Variants in SEMA3A observed in about 807,000 individuals in gnomAD.
SEMA3A encodes semaphorin 3A, also known as semaphorin-3A.
A neutral mutation model predicts 97.9 loss-of-function variants in SEMA3A; 29 were observed. The observed-to-expected ratio is 0.30, with a 90% CI of 0.22 to 0.40. The LOEUF (loss-of-function observed/expected upper bound fraction) is 0.40, where lower values mean the gene tolerates loss of function less well. Among genes scored for constraint, SEMA3A ranks in the 10% least tolerant of loss-of-function variants. The probability of loss-of-function intolerance (pLI) is 1.00; values close to 1 mark genes in which losing one functional copy is unlikely to be tolerated. For missense variants in SEMA3A, 763 were observed against 951.3 expected (o/e 0.80, Z 2.60); for synonymous variants, 321 against 323.7 (o/e 0.99, Z 0.09).
intron 14 of SEMA3A, among the ~76,000 whole-genome samples, chr7:83,980,477 C>T (rs797819): frequency 0.29 from 42,901 of 149,918 alleles, 7,019 homozygotes; most frequent in East Asian, 0.63. Flanking sequence ...TGGTGGTGCA[C>T]GCCTGTAGTC....
chr7:84,204,941 C>A (rs949127718), intron 3 of SEMA3A, among the ~76,000 whole-genome samples: 1 of 152,182 alleles, frequency 6.6e-6, no homozygotes, highest in Non-Finnish European at 1.5e-5. Flanking sequence ...GATCCTCCAT[C>A]TTTTGTGGCT....
Position 84,430,162 on chromosome 7 carries a change from T to C in SEMA3A, c.-245-58262A>G, listed in dbSNP as rs559111467. On this transcript the variant is annotated intron_variant, in intron 1 of 3. Coordinates refer to the SEMA3A transcript ENST00000424555. ...ATATAGCACAATTTTCTTTCATTTG[T>C]CTTCCATTTTTTAATAATAATATTC... is the stretch of plus-strand genomic sequence containing the variant. Among the ~76,000 whole-genome samples, 173 of 152,146 alleles carry C rather than the reference T, an allele frequency of 1.1e-3. 1 individual carries two copies. Among genetic ancestry groups the C allele is most frequent in the African/African-American group, 4.0e-3 (165 of 41,556 alleles).
chr7:84,285,821 C>T (rs944395993), intron 3 of SEMA3A, among the ~76,000 whole-genome samples: 8 of 151,780 alleles, frequency 5.3e-5, no homozygotes. Flanking sequence ...GGACCTGTAA[C>T]CCAGCTACTG....
chr7:84,325,591 A>G (rs1584240961), intron 2 of SEMA3A, among the ~76,000 whole-genome samples: 1 of 152,120 alleles, frequency 6.6e-6, no homozygotes, highest in Non-Finnish European at 1.5e-5. Context: ...GCGATATATG[A>G]GGGAGTATAA....
intron 1 of SEMA3A, among the ~76,000 whole-genome samples, chr7:84,477,432 C>CT (rs1475111769): frequency 2.0e-5 from 2 of 101,928 alleles, no homozygotes; most frequent in African/African-American, 8.5e-5. Flanking sequence ...GAGCGAGACT[C>CT]TGTCTCAAAA....
At chr7:84,422,933 A>G (rs922320557) in intron 1 of SEMA3A, among the ~76,000 whole-genome samples, 1 of 152,012 alleles carries the variant, frequency 6.6e-6, no homozygotes, top group Non-Finnish European at 1.5e-5. Flanking sequence ...TCCCCAGTCT[A>G]TCCTTTTAAC....
At chr7:84,123,841 G>A (rs538228522) in intron 3 of SEMA3A, among the ~76,000 whole-genome samples, 12 of 151,058 alleles carry the variant, frequency 7.9e-5, no homozygotes, top group Non-Finnish European at 1.3e-4. Flanking sequence ...GAGAGAGAGA[G>A]CAAGAGAGTA....
intron 4 of SEMA3A, among the ~76,000 whole-genome samples, chr7:84,104,395 C>T (rs1795045391): frequency 6.6e-6 from 1 of 152,084 alleles, no homozygotes; most frequent in Non-Finnish European, 1.5e-5. Flanking sequence ...AATGCTAACA[C>T]TTCTATTTCT....
At chr7:84,359,485 A>T (rs1344586741) in intron 2 of SEMA3A, among the ~76,000 whole-genome samples, 2 of 152,076 alleles carry the variant, frequency 1.3e-5, no homozygotes, top group Non-Finnish European at 2.9e-5. Context: ...CCCAGGGATG[A>T]AGCCCACTTG....
intron 4 of SEMA3A, among the ~76,000 whole-genome samples, chr7:84,063,396 G>C (rs1177700947): frequency 6.6e-6 from 1 of 151,224 alleles, no homozygotes; most frequent in Non-Finnish European, 1.5e-5. Flanking sequence ...TTCCTCACCA[G>C]CAACGGAACA....
intron 4 of SEMA3A, among the ~76,000 whole-genome samples, chr7:84,101,810 T>A (rs553185962): frequency 6.6e-6 from 1 of 152,234 alleles, no homozygotes; most frequent in East Asian, 1.9e-4. Flanking sequence ...ACTAGTCAAA[T>A]GAAACTATTG....
Position 84,134,923 on chromosome 7 carries a change from A to G in SEMA3A, c.141T>C (p.Thr47=). 1 of 1,613,660 alleles carries G rather than the reference A, an allele frequency of 6.2e-7. No individual in the cohort carries two copies. The highest frequency in any genetic ancestry group is 8.5e-7 in the Non-Finnish European group (1 of 1,179,868). The change falls in exon 2 of 17, where the codon ACT becomes ACC. Residue 47 remains threonine, a synonymous_variant. Transcript: ENST00000265362. ...TGGAGCTGTTGGCCAAGCCATTGAA[A>G]GTGATCACATTGTTGGATTCCAACA... ...KEMLESNNVI[T]FNGLANSSSY...
chr7:84,064,972 T>C (rs1409274612), intron 4 of SEMA3A, among the ~76,000 whole-genome samples: 7 of 152,262 alleles, frequency 4.6e-5, no homozygotes, highest in Admixed American at 3.9e-4. Flanking sequence ...TATACATTTT[T>C]TCGGCACCAC....
chr7:83,993,055 C>T (rs919800796), intron 12 of SEMA3A, among the ~76,000 whole-genome samples: 4 of 139,148 alleles, frequency 2.9e-5, no homozygotes, highest in Non-Finnish European at 4.6e-5. Context: ...TGAATTGATC[C>T]CTTTACCATT....
chr7:84,389,578 A>T (rs963420086), intron 1 of SEMA3A, among the ~76,000 whole-genome samples: 2 of 152,076 alleles, frequency 1.3e-5, no homozygotes, highest in African/African-American at 2.4e-5. Flanking sequence ...TGTCAAATTT[A>T]AAAAACCTGT....
chr7:84,149,901 T>C (rs1480803417), intron 1 of SEMA3A, among the ~76,000 whole-genome samples: 2 of 152,216 alleles, frequency 1.3e-5, no homozygotes, highest in East Asian at 1.9e-4. Flanking sequence ...TGCTATTAAA[T>C]TTTAATAAAC....
At chr7:84,048,865 T>C (rs1252111263) in intron 5 of SEMA3A, among the ~76,000 whole-genome samples, 1 of 151,992 alleles carries the variant, frequency 6.6e-6, no homozygotes, top group East Asian at 1.9e-4. Context: ...TTAAAGTCTA[T>C]TCAAGAGGCA....
intron 1 of SEMA3A, among the ~76,000 whole-genome samples, chr7:84,450,947 T>A (rs1291083763): frequency 6.6e-6 from 1 of 152,134 alleles, no homozygotes; most frequent in Admixed American, 6.5e-5. Context: ...ATTTTCTCCT[T>A]TTCTTTAGGT....
At chr7:84,473,141 GGTGTGT>G (rs61623414) in intron 1 of SEMA3A, among the ~76,000 whole-genome samples, 99 of 141,510 alleles carry the variant, frequency 7.0e-4, no homozygotes, top group African/African-American at 2.4e-3. Flanking sequence ...AAAAAGAAAT[GGTGTGT>G]GTGTGTGTGT....
Sources: allele counts gnomAD v4.1 joint callset (sites outside exome capture counted in the v4.1 genomes callset), GRCh38; gene constraint gnomAD v4.1.1; transcripts MANE v1.5; gene names NCBI Gene and HGNC (gene_info 2026-07-23, HGNC 2026-07-21).